The following GPR137B variants were observed in gnomAD, a reference collection of about 807,000 sequenced individuals.
GPR137B encodes integral membrane protein GPR137B.
Under a neutral mutation model 42.5 loss-of-function variants are expected in GPR137B, and 42 were observed. That is an observed-to-expected ratio of 0.99 (90% confidence interval 0.77 to 1.28). GPR137B has a LOEUF of 1.28. GPR137B is among the 50% of genes most tolerant of loss of function. The pLI, the probability that GPR137B is intolerant of heterozygous loss-of-function variation, is 0.00. For missense variants in GPR137B, 487 were observed against 493.9 expected, an observed-to-expected ratio of 0.99 and a Z score of 0.13; for synonymous variants, 218 against 209.7, an observed-to-expected ratio of 1.04 and a Z score of -0.34.
chr1:236,147,922 G>A (rs910316086), intron 1 of GPR137B, among the ~76,000 whole-genome samples: 3 of 152,284 alleles, frequency 2.0e-5, no homozygotes, highest in East Asian at 3.9e-4. Flanking sequence ...AACTCTCTCC[G>A]GGCCGTCTGT....
At chr1:236,191,586 G>A (rs1384752395) in intron 5 of GPR137B, among the ~76,000 whole-genome samples, 1 of 152,308 alleles carries the variant, frequency 6.6e-6, no homozygotes, top group East Asian at 1.9e-4. Context: ...GGACCCCTCT[G>A]CTGCAGGTCT....
intron 4 of GPR137B, 94 bp downstream of exon 4, chr1:236,180,122 G>T: frequency 1.1e-6 from 1 of 938,420 alleles, no homozygotes; most frequent in East Asian, 2.4e-5. Context: ...CCAAAATCTG[G>T]ATGCTCAAGT....
At chr1:236,187,618 T>G (rs1191992155) in intron 5 of GPR137B, among the ~76,000 whole-genome samples, 3 of 152,200 alleles carry the variant, frequency 2.0e-5, no homozygotes, top group Non-Finnish European at 4.4e-5. Context: ...TGTGTCAGGT[T>G]TGTCAAAGAT....
intron 1 of GPR137B, among the ~76,000 whole-genome samples, chr1:236,151,278 A>C (rs965554796): frequency 1.3e-5 from 2 of 152,160 alleles, no homozygotes; most frequent in African/African-American, 4.8e-5. Context: ...TGTTTCCTGC[A>C]GCTGAAGCTT....
intron 2 of GPR137B, among the ~76,000 whole-genome samples, chr1:236,176,162 C>T (rs1021428062): frequency 2.0e-5 from 3 of 152,130 alleles, no homozygotes; most frequent in African/African-American, 7.2e-5. Context: ...ACAGCAGGGC[C>T]TGTGACATGA....
chr1:236,158,082 C>G (rs1386401191), intron 1 of GPR137B, among the ~76,000 whole-genome samples: 2 of 152,100 alleles, frequency 1.3e-5, no homozygotes, highest in Non-Finnish European at 2.9e-5. Flanking sequence ...CAAATGGCAC[C>G]AGGAGGGGGC....
chr1:236,202,190 A>T (rs868756004), intron 5 of GPR137B, among the ~76,000 whole-genome samples: 17 of 152,158 alleles, frequency 1.1e-4, no homozygotes, highest in Middle Eastern at 3.4e-3. Flanking sequence ...CCTTGGTTGT[A>T]AGTATGTTTA....
chr1:236,205,654 C>G (rs562207086), intron 6 of GPR137B, among the ~76,000 whole-genome samples: 94 of 152,294 alleles, frequency 6.2e-4, no homozygotes, highest in African/African-American at 2.1e-3. Flanking sequence ...AATTCTTGTG[C>G]CTCAGGCTCC....
chr1:236,159,429 G>T (rs1228540247), intron 1 of GPR137B, among the ~76,000 whole-genome samples: 1 of 152,008 alleles, frequency 6.6e-6, no homozygotes, highest in Non-Finnish European at 1.5e-5. Context: ...ACTTTGGGAG[G>T]CCGAGGCAGG....
chr1:236,157,728 G>A (rs1359056713), intron 1 of GPR137B, among the ~76,000 whole-genome samples: 2 of 152,044 alleles, frequency 1.3e-5, no homozygotes, highest in Non-Finnish European at 1.5e-5. Flanking sequence ...CAGGTTTTAC[G>A]TCCTGAGAAC....
At chr1:236,166,484 T>TTATATATATAATGTATATATATTTA (rs373361122) in intron 1 of GPR137B, among the ~76,000 whole-genome samples, 1 of 139,590 alleles carries the variant, frequency 7.2e-6, no homozygotes, top group African/African-American at 2.9e-5. Context: ...TTATATATAT[T>TTATATATATAATGTATATATATTTA]TATATATACA....
At chr1:236,163,244 C>T (rs986904636) in intron 1 of GPR137B, among the ~76,000 whole-genome samples, 6 of 152,198 alleles carry the variant, frequency 3.9e-5, no homozygotes, top group South Asian at 2.1e-4. Context: ...CCACTTGGAA[C>T]GGCTGTATTT....
intron 1 of GPR137B, among the ~76,000 whole-genome samples, chr1:236,159,401 C>T (rs187729453): frequency 1.3e-5 from 2 of 152,134 alleles, no homozygotes; most frequent in African/African-American, 2.4e-5. Context: ...CGGGGTGGCT[C>T]ATGCCTGTAA....
chr1:236,160,294 G>A (rs908071437), intron 1 of GPR137B, among the ~76,000 whole-genome samples: 4 of 152,138 alleles, frequency 2.6e-5, no homozygotes, highest in African/African-American at 9.7e-5. Context: ...CCAAGGAAGG[G>A]GAGGGAAAGG....
chr1:236,179,371 T>G (rs1662801282), intron 3 of GPR137B, among the ~76,000 whole-genome samples: 1 of 152,186 alleles, frequency 6.6e-6, no homozygotes, highest in Non-Finnish European at 1.5e-5. Context: ...CACAAATCAC[T>G]GATTTCCAGG....
intron 5 of GPR137B, among the ~76,000 whole-genome samples, chr1:236,193,580 T>A (rs1293897955): frequency 6.6e-6 from 1 of 152,232 alleles, no homozygotes; most frequent in South Asian, 2.1e-4. Context: ...TATTAAATGA[T>A]ATCTCCTTTT....
chr1:236,195,260 C>T (rs571444995), intron 5 of GPR137B, among the ~76,000 whole-genome samples: 5 of 151,782 alleles, frequency 3.3e-5, no homozygotes, highest in Admixed American at 6.6e-5. Context: ...ACTCTCCCCC[C>T]GCCACTACCC....
chr1:236,187,807 A>C (rs1306419132), intron 5 of GPR137B, among the ~76,000 whole-genome samples: 1 of 152,138 alleles, frequency 6.6e-6, no homozygotes. Context: ...TGTCTCGGCT[A>C]TGTGGGCCCT....
At chr1:236,175,092 C>A (rs773549742) in intron 2 of GPR137B, among the ~76,000 whole-genome samples, 1 of 151,334 alleles carries the variant, frequency 6.6e-6, no homozygotes, top group Non-Finnish European at 1.5e-5. Context: ...TTTGGGAGGC[C>A]GAGACGGGAG....
Sources: allele counts gnomAD v4.1 joint callset (sites outside exome capture counted in the v4.1 genomes callset), GRCh38; gene constraint gnomAD v4.1.1; transcripts MANE v1.5; gene names NCBI Gene and HGNC (gene_info 2026-07-23, HGNC 2026-07-21).